VRK2: variants seen among roughly 807,000 people sequenced by gnomAD.
VRK2 encodes the protein VRK serine/threonine kinase 2, also known as serine/threonine-protein kinase VRK2.
In VRK2, 60 loss-of-function variants were observed where a neutral mutation model predicts 57.6. That is an observed-to-expected ratio of 1.04 (90% confidence interval 0.85 to 1.29). The LOEUF is 1.29. Ranked by LOEUF, VRK2 falls within the 50% of genes most tolerant of loss-of-function variation. The pLI is 0.00. For missense variants in VRK2, 705 were observed against 588.1 expected (o/e 1.20, Z -2.06); for synonymous variants, 231 against 199.2 (o/e 1.16, Z -1.35).
At chr2:57,954,316 T>C (rs1403503100) in intron 1 of VRK2, among the ~76,000 whole-genome samples, 1 of 152,088 alleles carries the variant, frequency 6.6e-6, no homozygotes, top group Admixed American at 6.6e-5. Flanking sequence ...CTGAGTTCTA[T>C]ACAGTGGAAA....
At chr2:58,039,980 C>T (rs1231809189) in intron 3 of VRK2, among the ~76,000 whole-genome samples, 1 of 151,738 alleles carries the variant, frequency 6.6e-6, no homozygotes, top group Non-Finnish European at 1.5e-5. Flanking sequence ...GTGTTGTGAT[C>T]ATAGCTCACT....
chr2:58,055,606 C>T (rs952526241), intron 2 of VRK2, among the ~76,000 whole-genome samples: 1 of 152,134 alleles, frequency 6.6e-6, no homozygotes, highest in African/African-American at 2.4e-5. Context: ...TTTCTGTTCT[C>T]CAGCAGAGCC....
At chr2:58,144,735 G>C (rs368782260) in intron 11 of VRK2, among the ~76,000 whole-genome samples, 1 of 151,980 alleles carries the variant, frequency 6.6e-6, no homozygotes, top group Admixed American at 6.6e-5. Flanking sequence ...TTTCCCAGTA[G>C]TTTGGGAAGG....
At chr2:57,909,420 T>G (rs1276970803) in intron 1 of VRK2, among the ~76,000 whole-genome samples, 1 of 152,050 alleles carries the variant, frequency 6.6e-6, no homozygotes, top group Non-Finnish European at 1.5e-5. Context: ...TGATTTACAC[T>G]TGTAAAGAAA....
At chr2:58,074,473 G>A (rs185479554) in intron 2 of VRK2, among the ~76,000 whole-genome samples, 5 of 151,656 alleles carry the variant, frequency 3.3e-5, no homozygotes, top group Non-Finnish European at 5.9e-5. Flanking sequence ...ATTTTTAGTG[G>A]TTGATTTAGA....
intron 12 of VRK2, among the ~76,000 whole-genome samples, chr2:58,157,296 G>A (rs1044489867): frequency 3.3e-5 from 5 of 152,124 alleles, no homozygotes; most frequent in African/African-American, 1.2e-4. Context: ...TGCATTCAAA[G>A]TTAATAACTA....
intron 12 of VRK2, among the ~76,000 whole-genome samples, chr2:58,146,933 T>G (rs1208614568): frequency 6.6e-6 from 1 of 151,918 alleles, no homozygotes; most frequent in African/African-American, 2.4e-5. Flanking sequence ...CTCATTCAAG[T>G]AACAGCAAAA....
chr2:57,987,083 A>C (rs1051411812), intron 1 of VRK2, among the ~76,000 whole-genome samples: 7 of 152,222 alleles, frequency 4.6e-5, no homozygotes, highest in Admixed American at 2.0e-4. Flanking sequence ...ATAAAAGTAA[A>C]ACCTGAAACC....
At chr2:57,988,787 G>A (rs571807971) in intron 1 of VRK2, among the ~76,000 whole-genome samples, 7 of 152,034 alleles carry the variant, frequency 4.6e-5, no homozygotes, top group Non-Finnish European at 7.4e-5. Flanking sequence ...CCAATTTCCC[G>A]GTTCCCTGGT....
At chr2:58,146,572 G>A in intron 12 of VRK2, 98 bp downstream of exon 12, 3 of 1,372,066 alleles carry the variant, frequency 2.2e-6, no homozygotes, top group Non-Finnish European at 2.0e-6. Flanking sequence ...GAGGGCCAAG[G>A]TTGTATGGTT....
At chr2:57,928,373 C>G (rs1670611686) in intron 1 of VRK2, among the ~76,000 whole-genome samples, 1 of 151,988 alleles carries the variant, frequency 6.6e-6, no homozygotes. Context: ...TCCAGAATTT[C>G]TGCTTGATTT....
At chr2:58,114,634 A>G (rs1450248685) in intron 7 of VRK2, among the ~76,000 whole-genome samples, 2 of 151,940 alleles carry the variant, frequency 1.3e-5, no homozygotes, top group Non-Finnish European at 2.9e-5. Flanking sequence ...TTTTTAAAAG[A>G]CCTTTAGTCC....
At chr2:58,087,475 A>G (rs968718218) in intron 5 of VRK2, among the ~76,000 whole-genome samples, 5 of 152,212 alleles carry the variant, frequency 3.3e-5, no homozygotes, top group African/African-American at 1.2e-4. Flanking sequence ...GAAAATACTT[A>G]TAATATGATC....
At chr2:58,139,632 G>T in intron 10 of VRK2, 34 bp from the exon 11 acceptor site, 1 of 1,591,422 alleles carries the variant, frequency 6.3e-7, no homozygotes, top group Non-Finnish European at 8.6e-7. Flanking sequence ...CTTGCCAATT[G>T]TGAATGACAT....
chr2:58,081,376 G>GA (rs1160997185), intron 2 of VRK2, among the ~76,000 whole-genome samples: 1 of 151,900 alleles, frequency 6.6e-6, no homozygotes, highest in Non-Finnish European at 1.5e-5. Flanking sequence ...GTTAACATAT[G>GA]AAAAAATGTA....
chr2:58,046,946 A>G (rs1229005051), intron 1 of VRK2, 78 bp downstream of exon 1: 3 of 985,392 alleles, frequency 3.0e-6, no homozygotes, highest in Non-Finnish European at 3.6e-6. Flanking sequence ...CCCGCTCGGA[A>G]AAGGGCTGCC....
chr2:58,024,238 T>C (rs539912962), intron 1 of VRK2, among the ~76,000 whole-genome samples: 38 of 152,208 alleles, frequency 2.5e-4, no homozygotes, highest in Admixed American at 2.5e-3. Flanking sequence ...GAAATAAACA[T>C]GTATTTAGGC....
At chr2:58,096,210 T>C (rs1339073063) in intron 7 of VRK2, among the ~76,000 whole-genome samples, 5 of 152,102 alleles carry the variant, frequency 3.3e-5, no homozygotes, top group Admixed American at 1.3e-4. Flanking sequence ...CATATTGATA[T>C]TCGTAAGTGA....
intron 7 of VRK2, among the ~76,000 whole-genome samples, chr2:58,090,138 G>A (rs1327488407): frequency 1.3e-5 from 2 of 152,138 alleles, no homozygotes; most frequent in East Asian, 1.9e-4. Context: ...GCTCATGCCT[G>A]TAATCCCAGC....
Sources: allele counts gnomAD v4.1 joint callset (sites outside exome capture counted in the v4.1 genomes callset), GRCh38; gene constraint gnomAD v4.1.1; transcripts MANE v1.5; gene names NCBI Gene and HGNC (gene_info 2026-07-23, HGNC 2026-07-21).